Variants in SNTB1 observed in about 807,000 individuals in gnomAD.
SNTB1 encodes beta-1-syntrophin.
A neutral mutation model predicts 48.9 loss-of-function variants in SNTB1; 36 were observed. The observed-to-expected ratio is 0.74, with a 90% CI of 0.56 to 0.97. The LOEUF is 0.97. Among genes scored for constraint, SNTB1 ranks in the 50% least tolerant of loss-of-function variants. The pLI, the probability that SNTB1 is intolerant of heterozygous loss-of-function variation, is 0.00. For missense variants in SNTB1, 786 were observed against 703.4 expected (o/e 1.12, Z -1.33); for synonymous variants, 299 against 294.6 (o/e 1.01, Z -0.15).
At chr8:120,719,774 A>G (rs1193744775) in intron 1 of SNTB1, among the ~76,000 whole-genome samples, 1 of 151,428 alleles carries the variant, frequency 6.6e-6, no homozygotes, top group Non-Finnish European at 1.5e-5. Context: ...AGAAAAGCCA[A>G]CATGGTGTGC....
At chr8:120,742,054 T>C (rs1444254470) in intron 1 of SNTB1, among the ~76,000 whole-genome samples, 2 of 152,150 alleles carry the variant, frequency 1.3e-5, no homozygotes, top group African/African-American at 2.4e-5. Context: ...GTTTAATCCA[T>C]AGGGGATGGG....
rs539486021 is a variant in SNTB1 at position 120,675,121 on chromosome 8, A to G, written c.788+18571T>C. 3.3e-5 allele frequency among the ~76,000 whole-genome samples: 5 copies of G among 152,224 alleles called. No homozygotes were observed. The South Asian group carries it at 8.3e-4, about 25-fold the overall frequency. ...CTTTTCACATGTTTTAAGTGTGAAA[A>G]GGCCCAGTGGTCTTCATCTGGGACC... is the stretch of plus-strand genomic sequence containing the variant. On this transcript the variant is annotated intron_variant, in intron 2 of 6. Coordinates refer to ENST00000517992, the MANE Select transcript of SNTB1 (RefSeq NM_021021.4).
intron 1 of SNTB1, among the ~76,000 whole-genome samples, chr8:120,713,274 C>G (rs982371202): frequency 1.3e-5 from 2 of 152,184 alleles, no homozygotes; most frequent in Non-Finnish European, 1.5e-5. Context: ...TCAGACCTTA[C>G]ATGCATCTTT....
intron 1 of SNTB1, among the ~76,000 whole-genome samples, chr8:120,747,629 C>A (rs1006534352): frequency 1.3e-5 from 2 of 152,124 alleles, no homozygotes; most frequent in African/African-American, 4.8e-5. Context: ...ATGATGAGAA[C>A]ACATGGACAC....
intron 4 of SNTB1, among the ~76,000 whole-genome samples, chr8:120,574,280 TCTA>T (rs1315965670): frequency 6.6e-6 from 1 of 152,144 alleles, no homozygotes; most frequent in East Asian, 1.9e-4. Context: ...GTTCTAGAGA[TCTA>T]CTGTACAGCA....
chr8:120,717,435 G>T (rs1333978548), intron 1 of SNTB1, among the ~76,000 whole-genome samples: 2 of 152,190 alleles, frequency 1.3e-5, no homozygotes, highest in Non-Finnish European at 2.9e-5. Flanking sequence ...GACTCCAGTG[G>T]CCTAGGGAAT....
intron 1 of SNTB1, among the ~76,000 whole-genome samples, chr8:120,704,482 C>T (rs774132759): frequency 1.3e-5 from 2 of 151,572 alleles, no homozygotes; most frequent in Admixed American, 6.6e-5. Context: ...AAACAAAAAA[C>T]GTTTAATCTG....
At chr8:120,683,477 TG>T (rs764676955) in intron 2 of SNTB1, among the ~76,000 whole-genome samples, 3 of 151,376 alleles carry the variant, frequency 2.0e-5, no homozygotes, top group East Asian at 3.9e-4. Context: ...AAAAAGGGGG[TG>T]GGGGCGGCAT....
chr8:120,655,135 G>T, intron 2 of SNTB1: 1 of 240,924 alleles, frequency 4.2e-6, no homozygotes, highest in Non-Finnish European at 8.4e-6. Flanking sequence ...CTTTTCTGTA[G>T]TTTCTAGTTT....
At chr8:120,637,437 T>C (rs748607596) in intron 2 of SNTB1, 54 of 199,104 alleles carry the variant, frequency 2.7e-4, no homozygotes, top group Non-Finnish European at 5.0e-4. Flanking sequence ...CTCTGTACCT[T>C]CATATTAAAA....
intron 3 of SNTB1, among the ~76,000 whole-genome samples, chr8:120,628,525 C>T (rs994963072): frequency 2.0e-5 from 3 of 152,046 alleles, no homozygotes; most frequent in South Asian, 2.1e-4. Context: ...GGGAGGCCGA[C>T]GTGGCCAGAT....
At chr8:120,734,344 A>G (rs1198585757) in intron 1 of SNTB1, among the ~76,000 whole-genome samples, 7 of 151,652 alleles carry the variant, frequency 4.6e-5, no homozygotes, top group African/African-American at 1.7e-4. Flanking sequence ...CTACTCAGGA[A>G]GCTGAGGCAG....
At chr8:120,649,897 A>T (rs909976327) in intron 2 of SNTB1, among the ~76,000 whole-genome samples, 1 of 152,124 alleles carries the variant, frequency 6.6e-6, no homozygotes, top group Non-Finnish European at 1.5e-5. Context: ...CCCTCGGAAA[A>T]GCGCAGTATT....
chr8:120,597,762 GA>G (rs1384256338), intron 3 of SNTB1, among the ~76,000 whole-genome samples: 2 of 152,238 alleles, frequency 1.3e-5, no homozygotes, highest in Middle Eastern at 3.2e-3. Context: ...CCCTAGAACT[GA>G]GTCACCCTGG....
At position 120,811,593 on chromosome 8, in the gene SNTB1, G is replaced by T; in HGVS notation, c.251C>A (p.Pro84His). Reference protein sequence around the residue: ...AGHPGAGGAQPPDSPAGVRTA... With the variant: ...AGHPGAGGAQHPDSPAGVRTA... ...GCGGACCCCGGCGGGCGAGTCCGGG[G>T]GCTGCGCGCCGCCCGCGCCCGGGTG... The change falls in exon 1 of 7, where the codon CCC becomes CAC. Residue 84 changes from proline to histidine, a missense_variant. Coordinates refer to ENST00000517992, the MANE Select transcript of SNTB1 (RefSeq NM_021021.4). 1 of 1,567,544 alleles carries T rather than the reference G, an allele frequency of 6.4e-7. No individual in the cohort carries two copies. Among genetic ancestry groups the T allele is most frequent in the South Asian group, 1.2e-5 (1 of 86,124 alleles).
rs1815794533 is a variant in SNTB1 at position 120,568,774 on chromosome 8, G to T, written c.1136+6312C>A. On this transcript the variant is annotated intron_variant, in intron 4 of 6. Transcript: ENST00000517992. The stretch of plus-strand genomic sequence containing the variant: ...TCTGCCTCATGGGCTACCAGCCAGA[G>T]ACCAGGGCAATCCTTACAGGCCTAA... Among the ~76,000 whole-genome samples the T allele has an allele frequency of 2.0e-5, 3 of 152,372 alleles. No individual in the cohort carries two copies. The East Asian group carries it at 5.8e-4, about 29-fold the overall frequency.
At chr8:120,575,750 T>C (rs968765590) in intron 3 of SNTB1, among the ~76,000 whole-genome samples, 1 of 152,348 alleles carries the variant, frequency 6.6e-6, no homozygotes, top group East Asian at 1.9e-4. Flanking sequence ...ATCTTGAAAC[T>C]TCTCTGGTTC....
chr8:120,652,723 G>T (rs946187344), intron 2 of SNTB1, among the ~76,000 whole-genome samples: 5 of 152,126 alleles, frequency 3.3e-5, no homozygotes, highest in Non-Finnish European at 7.3e-5. Context: ...CATTCACAGG[G>T]TTACTGGAGT....
chr8:120,650,015 C>T (rs953518457), intron 2 of SNTB1, among the ~76,000 whole-genome samples: 1 of 152,320 alleles, frequency 6.6e-6, no homozygotes, highest in South Asian at 2.1e-4. Flanking sequence ...AATGCCTCGC[C>T]CTGCTTCGGC....
Sources: allele counts gnomAD v4.1 joint callset (sites outside exome capture counted in the v4.1 genomes callset), GRCh38; gene constraint gnomAD v4.1.1; transcripts MANE v1.5; gene names NCBI Gene and HGNC (gene_info 2026-07-23, HGNC 2026-07-21).